HERC2: variants seen among roughly 807,000 people sequenced by gnomAD.
HERC2 encodes the protein E3 ubiquitin-protein ligase HERC2.
A neutral mutation model predicts 537.7 loss-of-function variants in HERC2; 102 were observed. The ratio of observed to expected loss-of-function variants is 0.19; its 90% CI spans 0.16 to 0.22. HERC2 has a LOEUF of 0.22. HERC2 is among the 10% of genes least tolerant of loss of function. The pLI is 1.00. For missense variants in HERC2, 4,236 were observed against 6,198.2 expected (o/e 0.68, Z 10.63); for synonymous variants, 2,224 against 2,466.2 (o/e 0.90, Z 2.91).
chr15:28,208,357 T>C (rs1177115306), intron 44 of HERC2, among the ~76,000 whole-genome samples: 2 of 152,094 alleles, frequency 1.3e-5, no homozygotes, highest in African/African-American at 4.8e-5. Flanking sequence ...AGTTATCATC[T>C]ACAAGACTAC....
intron 45 of HERC2, chr15:28,203,277 A>G (rs1409370662): frequency 1.5e-5 from 2 of 133,730 alleles, no homozygotes; most frequent in East Asian, 2.2e-4. Flanking sequence ...CTGCTCTCAT[A>G]GCACTGACTT....
chr15:28,139,375 C>T (rs1045966629), intron 78 of HERC2, among the ~76,000 whole-genome samples: 16 of 152,214 alleles, frequency 1.1e-4, no homozygotes, highest in Admixed American at 2.0e-4. Context: ...CCCTGTGAGA[C>T]GCTCTATGGA....
intron 55 of HERC2, among the ~76,000 whole-genome samples, chr15:28,189,999 T>C (rs1055151790): frequency 5.5e-5 from 8 of 146,752 alleles, no homozygotes; most frequent in South Asian, 2.1e-4. Context: ...ATATCTTTTT[T>C]TTTCTTTCTT....
Position 28,113,815 on chromosome 15 carries a change from T to G in HERC2, c.13914-137A>C. On this transcript the variant is annotated intron_variant, in intron 90 of 92. Coordinates refer to ENST00000261609, the MANE Select transcript of HERC2 (RefSeq NM_004667.6). This position sits in a 1 kb window ranked among gnomAD's most constrained non-coding sequence, Gnocchi z 7.0. ...ACAGAGGGAGCAGCTCCAGATGGCA[T>G]GAGCATGCTTAGCAGCTCGGCACTG... 1 of 694,598 alleles carries G rather than the reference T, an allele frequency of 1.4e-6. No homozygotes were observed. Among genetic ancestry groups the G allele is most frequent in the Non-Finnish European group, 2.6e-6 (1 of 391,000 alleles). The allele number at this position is 694,598 out of a possible 1,614,324, so 43.0% of individuals were successfully genotyped here.
intron 48 of HERC2, among the ~76,000 whole-genome samples, chr15:28,199,865 C>G (rs571396997): frequency 3.9e-5 from 6 of 152,264 alleles, no homozygotes; most frequent in Admixed American, 1.3e-4. Flanking sequence ...GAAGCCACCT[C>G]CAAATGCAGA....
At chr15:28,321,751 C>T (rs1325995861) in intron 1 of HERC2, among the ~76,000 whole-genome samples, 1 of 135,122 alleles carries the variant, frequency 7.4e-6, no homozygotes, top group East Asian at 2.7e-4. Context: ...ATGTCATCCC[C>T]CTGCCCTCAA....
chr15:28,209,084 C>CT (rs1476704570), intron 44 of HERC2, among the ~76,000 whole-genome samples: 1 of 152,060 alleles, frequency 6.6e-6, no homozygotes, highest in Non-Finnish European at 1.5e-5. Flanking sequence ...CCAAAGATTA[C>CT]TGGGTCACTA....
intron 83 of HERC2, among the ~76,000 whole-genome samples, chr15:28,127,667 G>T (rs1889652290): frequency 6.6e-6 from 1 of 152,136 alleles, no homozygotes; most frequent in Admixed American, 6.5e-5. Flanking sequence ...TGGAGAAATG[G>T]CCAGGTCGAG....
intron 23 of HERC2, 64 bp downstream of exon 23, chr15:28,245,817 G>T: frequency 7.4e-7 from 1 of 1,347,768 alleles, no homozygotes; most frequent in Non-Finnish European, 1.0e-6. Context: ...AAATTGAAAG[G>T]CAAGAATAGG....
At position 28,246,000 on chromosome 15, in the gene HERC2, T is replaced by C. The variant is rs767091184; in HGVS notation, c.3458A>G (p.Gln1153Arg). The C allele has an allele frequency of 6.2e-7, 1 of 1,614,038 alleles. No homozygotes were observed. Among genetic ancestry groups the C allele is most frequent in the South Asian group, 1.1e-5 (1 of 91,074 alleles). Residue 1153 changes from glutamine (Q) to arginine (R), a missense_variant, in exon 23 of 93, where the codon CAA (glutamine) becomes CGA (arginine). Gln to Arg is a conservative substitution (Grantham distance 43). Coordinates refer to ENST00000261609, the MANE Select transcript of HERC2 (RefSeq NM_004667.6). ...CAGCAGAGGTACAGCTCCAGCCTCT[T>C]GCATGAGACCAGCATTTTTACTGAG... ...LLLSKNAGLM[Q>R]EAGAVPLLGG...
rs2075711316 is a variant in HERC2 at position 28,270,993 on chromosome 15, T to C, written c.1084-125A>G. 6.8e-6 allele frequency: 5 copies of C among 739,224 alleles called. No homozygotes were observed. In the Admixed American group the frequency reaches 9.3e-5, roughly 14 times the overall value. The allele number at this position is 739,224 out of a possible 1,614,324, so 45.8% of individuals were successfully genotyped here. A position where few individuals can be genotyped will look rare whatever the true frequency, so the allele number is the denominator to read the frequency against. ...TTGACCCATCAAATGACAATGTCAA[T>C]GATACAGTTATACTATACATCTATA... On this transcript the variant is annotated intron_variant, in intron 9 of 92. Transcript: ENST00000261609.
chr15:28,138,638 C>T (rs940750764), intron 78 of HERC2, among the ~76,000 whole-genome samples: 1 of 152,202 alleles, frequency 6.6e-6, no homozygotes, highest in Non-Finnish European at 1.5e-5. Context: ...TGTACCTGGT[C>T]GCCCAAGAGC....
chr15:28,239,429 A>G (rs1007962941), intron 23 of HERC2, among the ~76,000 whole-genome samples: 3 of 151,660 alleles, frequency 2.0e-5, no homozygotes, highest in African/African-American at 7.3e-5. Context: ...ATTATGAAAA[A>G]TAGTTAAAGG....
chr15:28,275,857 G>A (rs572950997), intron 5 of HERC2, among the ~76,000 whole-genome samples: 3 of 151,976 alleles, frequency 2.0e-5, no homozygotes, highest in South Asian at 4.2e-4. Flanking sequence ...GTAATTGTAT[G>A]TTATACTTTA....
At chr15:28,242,017 C>T (rs1903179376) in intron 23 of HERC2, among the ~76,000 whole-genome samples, 1 of 152,124 alleles carries the variant, frequency 6.6e-6, no homozygotes, top group Non-Finnish European at 1.5e-5. Flanking sequence ...AGACACTTTG[C>T]ACAACATGGA....
intron 69 of HERC2, among the ~76,000 whole-genome samples, chr15:28,154,767 A>G (rs1206659979): frequency 3.9e-5 from 6 of 152,274 alleles, no homozygotes; most frequent in East Asian, 3.9e-4. Flanking sequence ...TATTTTATAT[A>G]TATATTTTTT....
At position 28,114,280 on chromosome 15, in the gene HERC2, G is replaced by C. The variant is rs543656017; in HGVS notation, c.13913+332C>G. Among the ~76,000 whole-genome samples the C allele has an allele frequency of 1.8e-3, 280 of 152,342 alleles. 1 individual carries two copies. Among genetic ancestry groups the C allele is most frequent in the Non-Finnish European group, 3.3e-3 (227 of 68,034 alleles). On this transcript the variant is annotated intron_variant, in intron 90 of 92. Coordinates refer to ENST00000261609, the MANE Select transcript of HERC2 (RefSeq NM_004667.6). ...TGCTCTGTGTCACTCAAGCAGCCTGGAGGGGGTTGAGACAGCCCCAGACAC... is the reference window on the plus strand; with the variant it reads ...TGCTCTGTGTCACTCAAGCAGCCTGCAGGGGGTTGAGACAGCCCCAGACAC...
rs1335619178 is a variant in HERC2 at position 28,111,769 on chromosome 15, T to C, written c.14499A>G (p.Gly4833=). The stretch of plus-strand genomic sequence containing the variant: ...ACGAGGACGTTTCCCCATCTTAGTG[T>C]CCTGTTAAATAATCTTGTGTAGAGT... ...ASDSTQDYLT[G]H The change falls in exon 93 of 93, where the codon GGA becomes GGG. Residue 4833 remains glycine (G), a synonymous_variant. Coordinates refer to ENST00000261609, the MANE Select transcript of HERC2 (RefSeq NM_004667.6). 2 of 1,613,044 alleles carry C rather than the reference T, an allele frequency of 1.2e-6. No homozygotes were observed. The highest frequency in any genetic ancestry group is 1.6e-4 in the Middle Eastern group (1 of 6,082).
At chr15:28,136,713 T>C (rs1203009024) in intron 78 of HERC2, among the ~76,000 whole-genome samples, 3 of 152,260 alleles carry the variant, frequency 2.0e-5, no homozygotes, top group African/African-American at 4.8e-5. Flanking sequence ...CCCACTCATT[T>C]ATAATATGTC....
Sources: gnomAD v4.1 joint callset for allele counts (sites outside exome capture counted in the v4.1 genomes callset) on GRCh38, gnomAD v4.1.1 for gene constraint, Gnocchi (gnomAD v3.1) non-coding constraint, MANE v1.5 for transcripts, NCBI Gene and HGNC (gene_info 2026-07-23, HGNC 2026-07-21) for gene names.